Variants in ITPRID2 observed in about 807,000 individuals in gnomAD.
ITPRID2 encodes the protein protein ITPRID2.
ITPRID2 carries 60 observed loss-of-function variants against 124.3 expected under a neutral mutation model. That is an observed-to-expected ratio of 0.48 (90% CI 0.39 to 0.60). The LOEUF (loss-of-function observed/expected upper bound fraction) is 0.60, where lower values mean the gene tolerates loss of function less well. ITPRID2 is among the 20% of genes least tolerant of loss of function. The pLI, the probability that ITPRID2 is intolerant of heterozygous loss-of-function variation, is 0.00. For synonymous variants in ITPRID2, 521 were observed against 542.9 expected (o/e 0.96, Z 0.56); for missense variants, 1,553 against 1,512.2 (o/e 1.03, Z -0.45).
At position 181,921,991 on chromosome 2, in the gene ITPRID2, T is replaced by C. The variant is rs773527628; in HGVS notation, c.3254T>C (p.Leu1085Ser). The C allele has an allele frequency of 2.5e-6, 4 of 1,614,216 alleles. No homozygotes were observed. The highest frequency in any genetic ancestry group is 1.1e-5 in the South Asian group (1 of 91,084). ...GAGCAGTCATACCTGAAGTCTGAAT[T>C]GGGCCTGGGACTTGGAGAAATGGGA... ...MQEQSYLKSE[L>S]GLGLGEMGFE... Residue 1085 changes from leucine (L) to serine (S), a missense_variant, in exon 16 of 18, where the codon TTG (leucine) becomes TCG (serine). Physicochemically the swap from Leu to Ser is moderately radical, Grantham distance 145. Transcript: ENST00000431877.
chr2:181,899,623 C>T (rs1692494475), intron 6 of ITPRID2, among the ~76,000 whole-genome samples: 1 of 152,084 alleles, frequency 6.6e-6, no homozygotes, highest in Non-Finnish European at 1.5e-5. Flanking sequence ...ATTACTTGAG[C>T]TTAGGAATTC....
Position 181,918,870 on chromosome 2 carries a change from C to T in ITPRID2, c.2981C>T (p.Thr994Ile). 1 of 1,614,068 alleles carries T rather than the reference C, an allele frequency of 6.2e-7. No homozygotes were observed. The highest frequency in any genetic ancestry group is 8.5e-7 in the Non-Finnish European group (1 of 1,180,010). The change falls in exon 13 of 18, where the codon ACT becomes ATT. Residue 994 changes from threonine to isoleucine, a missense_variant. Coordinates refer to ENST00000431877, the MANE Select transcript of ITPRID2 (RefSeq NM_001130445.3). Reference protein sequence around the residue: ...RQQTMVYHHMTEEERFEVDQL... With the variant: ...RQQTMVYHHMIEEERFEVDQL... ...CAAACCATGGTTTATCATCATATGA[C>T]TGAGGAGGAGAGGTAAAAGTTCATT... is the stretch of plus-strand genomic sequence containing the variant.
rs140317034 is a variant in ITPRID2 at position 181,919,402 on chromosome 2, C to T, written c.3100C>T (p.Arg1034Cys). 50 of 1,613,340 alleles carry T rather than the reference C, an allele frequency of 3.1e-5. No individual in the cohort carries two copies. The highest frequency in any genetic ancestry group is 1.1e-4 in the African/African-American group (8 of 74,912). ...ERLLGLEEQLRAVRMPSPFRS... is the reference protein window; with the variant it reads ...ERLLGLEEQLCAVRMPSPFRS... ...CCTGCTGGGCCTGGAGGAGCAGCTT[C>T]GTGCTGTGCGCATGCCTTCACCCTT... Residue 1034 changes from arginine (R) to cysteine (C), a missense_variant, in exon 14 of 18, where the codon CGT becomes TGT. Transcript: ENST00000431877. The surrounding 1 kb of genome is among the most constrained non-coding windows in gnomAD (Gnocchi z 4.2).
intron 6 of ITPRID2, among the ~76,000 whole-genome samples, chr2:181,900,370 T>C (rs1235423403): frequency 6.6e-6 from 1 of 152,226 alleles, no homozygotes; most frequent in Admixed American, 6.5e-5. Context: ...TGTCTTCTAC[T>C]TGTTTTAGCT....
chr2:181,903,807 G>C (rs1400399020), intron 8 of ITPRID2, among the ~76,000 whole-genome samples: 1 of 151,976 alleles, frequency 6.6e-6, no homozygotes, highest in African/African-American at 2.4e-5. Flanking sequence ...ACCTCTGTTT[G>C]TTCTTTTTCA....
Position 181,905,720 on chromosome 2 carries a change from C to A in ITPRID2, c.1413+3254C>A, listed in dbSNP as rs1693057096. Among the ~76,000 whole-genome samples, 1 of 152,150 alleles carries A rather than the reference C, an allele frequency of 6.6e-6. No individual in the cohort carries two copies. Among genetic ancestry groups the A allele is most frequent in the African/African-American group, 2.4e-5 (1 of 41,426 alleles). Reference sequence around the variant, plus strand: ...GATGTGTTAGTAACTGTTTCTAATCCTGTCTTCATACTAATTATTGATTTA... The same window carrying A: ...GATGTGTTAGTAACTGTTTCTAATCATGTCTTCATACTAATTATTGATTTA... On this transcript the variant is annotated intron_variant, in intron 8 of 17. Transcript: ENST00000431877. The surrounding 1 kb of genome is among the most constrained non-coding windows in gnomAD (Gnocchi z 4.1).
At chr2:181,897,826 A>G (rs896371469) in intron 4 of ITPRID2, among the ~76,000 whole-genome samples, 7 of 151,928 alleles carry the variant, frequency 4.6e-5, no homozygotes, top group East Asian at 3.8e-4. Flanking sequence ...TAAATTACTT[A>G]TTTAGAACCT....
At chr2:181,893,527 G>A (rs1347582381) in intron 2 of ITPRID2, 2 of 152,082 alleles carry the variant, frequency 1.3e-5, no homozygotes, top group Non-Finnish European at 2.9e-5. Context: ...CTCCTCTAAA[G>A]ACAGACAAGA....
At position 181,920,642 on chromosome 2, in the gene ITPRID2, C is replaced by G; in HGVS notation, c.3190C>G (p.Pro1064Ala). Reference protein sequence around the residue: ...RSADNLSCPSPLNVMEPVTEL... With the variant: ...RSADNLSCPSALNVMEPVTEL... ...CGCTGATAACTTGTCATGCCCTTCT[C>G]CATTGAATGTAATGGAACCAGTAAG... The change falls in exon 15 of 18, where the codon CCA becomes GCA. Residue 1064 changes from proline to alanine, a missense_variant. Transcript: ENST00000431877. 1 of 1,613,374 alleles carries G rather than the reference C, an allele frequency of 6.2e-7. No homozygotes were observed. The highest frequency in any genetic ancestry group is 8.5e-7 in the Non-Finnish European group (1 of 1,179,602).
At chr2:181,895,765 ATT>A (rs1359335066) in intron 2 of ITPRID2, among the ~76,000 whole-genome samples, 1 of 152,016 alleles carries the variant, frequency 6.6e-6, no homozygotes, top group Non-Finnish European at 1.5e-5. Flanking sequence ...AATTCAAATC[ATT>A]TGTCATTGCC....
chr2:181,911,436 C>T (rs761421808), intron 9 of ITPRID2, among the ~76,000 whole-genome samples: 10 of 152,100 alleles, frequency 6.6e-5, no homozygotes, highest in South Asian at 4.2e-4. Flanking sequence ...AGTTAGCATT[C>T]GGTAGTTATG....
intron 16 of ITPRID2, among the ~76,000 whole-genome samples, chr2:181,924,659 G>T (rs1416615931): frequency 6.6e-6 from 1 of 152,128 alleles, no homozygotes; most frequent in Non-Finnish European, 1.5e-5. Context: ...TTCTTTCGTT[G>T]TACCATTAAG....
intron 16 of ITPRID2, 91 bp downstream of exon 16, chr2:181,922,503 T>G: frequency 8.4e-7 from 1 of 1,191,244 alleles, no homozygotes; most frequent in African/African-American, 1.5e-5. Context: ...AATGTTCTTT[T>G]GATTCACTGT....
At chr2:181,900,636 T>G in intron 6 of ITPRID2, 60 bp from the exon 7 acceptor site, 2 of 1,156,636 alleles carry the variant, frequency 1.7e-6, no homozygotes, top group Non-Finnish European at 2.5e-6. Context: ...TATAATGTGG[T>G]GTGGACTATC....
intron 17 of ITPRID2, among the ~76,000 whole-genome samples, chr2:181,928,660 C>CTG (rs1358319331): frequency 6.6e-6 from 1 of 150,746 alleles, no homozygotes; most frequent in Non-Finnish European, 1.5e-5. Context: ...GAGTCTCGCT[C>CTG]TGTCGCCCAG....
Position 181,896,932 on chromosome 2 carries a change from G to A in ITPRID2, c.332G>A (p.Ser111Asn). 6.2e-7 allele frequency: 1 copy of A among 1,612,754 alleles called. No individual in the cohort carries two copies. Among genetic ancestry groups the A allele is most frequent in the Non-Finnish European group, 8.5e-7 (1 of 1,178,994 alleles). Reference sequence around the variant, plus strand: ...GGTGTGCTTGTGAGAAATGGAGGAAGTTTTGAAGATGATTTGTCATTGGGA... The same window carrying A: ...GGTGTGCTTGTGAGAAATGGAGGAAATTTTGAAGATGATTTGTCATTGGGA... ...LKGVLVRNGGSFEDDLSLGAE... is the reference protein window; with the variant it reads ...LKGVLVRNGGNFEDDLSLGAE... The change falls in exon 4 of 18, where the codon AGT becomes AAT. Residue 111 changes from serine (S) to asparagine (N), a missense_variant. Physicochemically the swap from Ser to Asn is conservative, Grantham distance 46. Transcript: ENST00000431877. This position sits in a 1 kb window ranked among gnomAD's most constrained non-coding sequence, Gnocchi z 4.3.
Position 181,921,942 on chromosome 2 carries a change from C to G in ITPRID2, c.3211-6C>G, listed in dbSNP as rs560344427. On this transcript the variant is annotated splice_polypyrimidine_tract_variant and splice_region_variant and intron_variant, in intron 15 of 17. Transcript: ENST00000431877. ...GAGAAGAATAACATTTTTTTATGAT[C>G]TCCAGGTCACTGAACTGATGCAGGA... The G allele has an allele frequency of 1.2e-6, 2 of 1,608,950 alleles. No individual in the cohort carries two copies. Among genetic ancestry groups the G allele is most frequent in the Non-Finnish European group, 1.7e-6 (2 of 1,177,572 alleles).
At chr2:181,893,118 G>T (rs1006398272) in intron 2 of ITPRID2, 4 of 172,952 alleles carry the variant, frequency 2.3e-5, no homozygotes, top group African/African-American at 7.1e-5. Flanking sequence ...TGTTTGGGGA[G>T]CTATTAAAAC....
chr2:181,918,455 TGCTTACAATATGAAGG>T, intron 11 of ITPRID2, 127 bp from the exon 12 acceptor site: 1 of 1,456,010 alleles, frequency 6.9e-7, no homozygotes. Context: ...TCTTTTTTCC[TGCTTACAATATGAAGG>T]TTTTTTGGAT....
Sources: allele counts gnomAD v4.1 joint callset (sites outside exome capture counted in the v4.1 genomes callset), GRCh38; gene constraint gnomAD v4.1.1; non-coding constraint Gnocchi (gnomAD v3.1); transcripts MANE v1.5; gene names NCBI Gene and HGNC (gene_info 2026-07-23, HGNC 2026-07-21).